XIRP2: variants seen among roughly 807,000 people sequenced by gnomAD.
XIRP2 encodes the protein xin actin-binding repeat-containing protein 2.
A neutral mutation model predicts 277.0 loss-of-function variants in XIRP2; 236 were observed. That is an observed-to-expected ratio of 0.85 (90% CI 0.77 to 0.95). The LOEUF (loss-of-function observed/expected upper bound fraction) is 0.95. Ranked by LOEUF, XIRP2 falls within the 40% of genes least tolerant of loss-of-function variation. XIRP2 has a pLI of 0.00. For synonymous variants in XIRP2, 1,490 were observed against 1,416.5 expected (o/e 1.05, Z -1.17); for missense variants, 4,640 against 4,157.5 (o/e 1.12, Z -3.19).
chr2:166,948,619 G>A (rs1685945877), intron 2 of XIRP2, among the ~76,000 whole-genome samples: 1 of 152,052 alleles, frequency 6.6e-6, no homozygotes, highest in Non-Finnish European at 1.5e-5. Flanking sequence ...GCAGTTGCCT[G>A]TGTCTGTATT....
At chr2:167,160,688 C>A (rs1692337516) in intron 3 of XIRP2, among the ~76,000 whole-genome samples, 1 of 152,188 alleles carries the variant, frequency 6.6e-6, no homozygotes, top group African/African-American at 2.4e-5. Context: ...TTCCACAACA[C>A]ATGAGAATTC....
chr2:166,936,827 G>A (rs143879590), intron 2 of XIRP2, among the ~76,000 whole-genome samples: 31,923 of 151,958 alleles, frequency 0.21, 3,998 homozygotes, highest in Admixed American at 0.28. Flanking sequence ...CTTGTAGTAT[G>A]GTTTGAAGTC....
intron 2 of XIRP2, among the ~76,000 whole-genome samples, chr2:167,076,538 G>A (rs1158388922): frequency 6.6e-6 from 1 of 152,124 alleles, no homozygotes; most frequent in South Asian, 2.1e-4. Flanking sequence ...AAGTGGAGAG[G>A]GAAGAGATTT....
chr2:166,999,921 A>G (rs1223529501), intron 2 of XIRP2, among the ~76,000 whole-genome samples: 1 of 152,128 alleles, frequency 6.6e-6, no homozygotes, highest in African/African-American at 2.4e-5. Flanking sequence ...TTATTATAAG[A>G]AAAAAATATT....
intron 4 of XIRP2, among the ~76,000 whole-genome samples, chr2:167,213,378 G>A (rs1373027477): frequency 2.5e-4 from 38 of 152,152 alleles, no homozygotes; most frequent in Admixed American, 2.5e-3. Context: ...GGAATTAGAA[G>A]CACTGTCTGT....
At position 167,007,532 on chromosome 2, in the gene XIRP2, T is replaced by C. The variant is rs572189017; in HGVS notation, c.408+103642T>C. Among the ~76,000 whole-genome samples the C allele has an allele frequency of 5.9e-5, 9 of 151,800 alleles. No individual in the cohort carries two copies. The East Asian group carries it at 1.7e-3, about 29-fold the overall frequency. ...ATATGTAGCAAAGTAGATTCATTGA[T>C]TGCAGCAACTGTATCACCCTGGTGT... On this transcript the variant is annotated intron_variant, in intron 2 of 10. Coordinates refer to ENST00000409195, the MANE Select transcript of XIRP2 (RefSeq NM_152381.6).
intron 2 of XIRP2, among the ~76,000 whole-genome samples, chr2:167,016,147 C>CTGCTCT (rs1687823005): frequency 6.6e-6 from 1 of 151,812 alleles, no homozygotes. Context: ...CCTCCTCAAC[C>CTGCTCT]TGCTCTTCCT....
chr2:167,201,841 A>G (rs1166469132), intron 3 of XIRP2, among the ~76,000 whole-genome samples: 2 of 152,176 alleles, frequency 1.3e-5, no homozygotes, highest in East Asian at 1.9e-4. Flanking sequence ...TAAAAATGTT[A>G]TATTTTAATG....
chr2:167,213,182 G>A (rs1455158070), intron 4 of XIRP2, among the ~76,000 whole-genome samples: 2 of 152,054 alleles, frequency 1.3e-5, no homozygotes, highest in African/African-American at 2.4e-5. Context: ...TAAAAGAGAG[G>A]GAGAAGTAAC....
rs200090306 is a variant in XIRP2 at position 167,251,695 on chromosome 2, A to G, written c.10303A>G (p.Lys3435Glu). The change falls in exon 9 of 11, where the codon AAA (lysine) becomes GAA (glutamate). Residue 3435 changes from lysine (K) to glutamate (E), a missense_variant. Lys to Glu is a moderately conservative substitution (Grantham distance 56). Transcript: ENST00000409195. Reference sequence around the variant, plus strand: ...GAGTCAAATTGTTGAGTCGAAGATGAAAACCTCTTCATCACATAGCTCAGA... The same window carrying G: ...GAGTCAAATTGTTGAGTCGAAGATGGAAACCTCTTCATCACATAGCTCAGA... ...FESQIVESKM[K>E]TSSSHSSEAG... is the part of the protein sequence containing the mutation. 191 of 1,613,264 alleles carry G rather than the reference A, an allele frequency of 1.2e-4. No individual in the cohort carries two copies. Among genetic ancestry groups the G allele is most frequent in the Non-Finnish European group, 1.5e-4 (174 of 1,179,618 alleles).
intron 2 of XIRP2, among the ~76,000 whole-genome samples, chr2:166,980,601 A>G (rs1686839096): frequency 6.6e-6 from 1 of 152,114 alleles, no homozygotes; most frequent in Non-Finnish European, 1.5e-5. Context: ...TACTTTTAGT[A>G]GAGATGGGGT....
chr2:166,940,365 T>G (rs1685669629), intron 2 of XIRP2, among the ~76,000 whole-genome samples: 1 of 152,184 alleles, frequency 6.6e-6, no homozygotes, highest in South Asian at 2.1e-4. Context: ...TTTTCAAGGT[T>G]TTTAGCCTCT....
chr2:167,047,660 G>A (rs1688818028), intron 2 of XIRP2, among the ~76,000 whole-genome samples: 1 of 151,894 alleles, frequency 6.6e-6, no homozygotes, highest in Non-Finnish European at 1.5e-5. Flanking sequence ...GTACAAGACA[G>A]GGCTGACAGT....
intron 2 of XIRP2, among the ~76,000 whole-genome samples, chr2:167,128,019 C>A (rs1279036034): frequency 6.6e-6 from 1 of 152,206 alleles, no homozygotes; most frequent in East Asian, 1.9e-4. Context: ...AGCCCACGAT[C>A]AGTTTTCACT....
At chr2:167,027,405 C>T (rs928854737) in intron 2 of XIRP2, among the ~76,000 whole-genome samples, 12 of 152,102 alleles carry the variant, frequency 7.9e-5, no homozygotes, top group Non-Finnish European at 1.6e-4. Flanking sequence ...ATCCATTCGT[C>T]TAATTTTTTT....
intron 3 of XIRP2, among the ~76,000 whole-genome samples, chr2:167,153,902 A>G (rs1426764026): frequency 6.6e-6 from 1 of 151,456 alleles, no homozygotes; most frequent in East Asian, 1.9e-4. Flanking sequence ...AGCATGATTT[A>G]TAGTCCTTTG....
intron 2 of XIRP2, among the ~76,000 whole-genome samples, chr2:166,930,005 T>A (rs1229298961): frequency 6.6e-6 from 1 of 152,146 alleles, no homozygotes. Flanking sequence ...TAAATGACAA[T>A]GTATAGCTAG....
At chr2:167,015,618 A>C (rs1687804289) in intron 2 of XIRP2, among the ~76,000 whole-genome samples, 1 of 151,826 alleles carries the variant, frequency 6.6e-6, no homozygotes, top group Admixed American at 6.6e-5. Context: ...CCTACTCTTT[A>C]AGCACTAATT....
chr2:167,247,372 GCAGATACTCT>G lies in XIRP2; in HGVS notation c.5984_5993del (p.Asp1995ValfsTer12). 6.2e-7 allele frequency: 1 copy of G among 1,613,768 alleles called. No homozygotes were observed. The highest frequency in any genetic ancestry group is 8.5e-7 in the Non-Finnish European group (1 of 1,179,810). On this transcript the variant is annotated frameshift_variant, in exon 9 of 11. Coordinates refer to ENST00000409195, the MANE Select transcript of XIRP2 (RefSeq NM_152381.6). LOFTEE classifies it high-confidence loss of function. ...GCCAGCGGCCAAGTGGCAAGGGGGA[GCAGATACTCT>G]CAGTCAAACTATGGGGAAATCTTGC...
Sources: gnomAD v4.1 joint callset for allele counts (sites outside exome capture counted in the v4.1 genomes callset) on GRCh38, gnomAD v4.1.1 for gene constraint, MANE v1.5 for transcripts, NCBI Gene and HGNC (gene_info 2026-07-23, HGNC 2026-07-21) for gene names.